Variants in AK5 observed in about 807,000 individuals in gnomAD.
AK5 encodes adenylate kinase 5, also known as adenylate kinase isoenzyme 5.
A neutral mutation model predicts 69.5 loss-of-function variants in AK5; 27 were observed. The ratio of observed to expected loss-of-function variants is 0.39; its 90% confidence interval spans 0.29 to 0.54. The LOEUF is 0.54. Among genes scored for constraint, AK5 ranks in the 20% least tolerant of loss-of-function variants. AK5 has a pLI of 0.71. For synonymous variants in AK5, 260 were observed against 244.4 expected (o/e 1.06, Z -0.60); for missense variants, 531 against 700.4 (o/e 0.76, Z 2.73).
chr1:77,333,569 T>A (rs1365067465), intron 5 of AK5, among the ~76,000 whole-genome samples: 8 of 146,882 alleles, frequency 5.4e-5, no homozygotes, highest in Non-Finnish European at 1.2e-4. Context: ...TAGTTGATTG[T>A]ATCTTATGTG....
intron 10 of AK5, among the ~76,000 whole-genome samples, chr1:77,491,895 G>A (rs994154711): frequency 6.6e-6 from 1 of 152,176 alleles, no homozygotes; most frequent in Non-Finnish European, 1.5e-5. Context: ...ATACTAAGTG[G>A]TGGATCTGGA....
At chr1:77,291,577 T>C (rs1056841674) in intron 2 of AK5, among the ~76,000 whole-genome samples, 3 of 152,104 alleles carry the variant, frequency 2.0e-5, no homozygotes, top group Non-Finnish European at 2.9e-5. Flanking sequence ...GGGACCTCCA[T>C]ATTGAACCAC....
chr1:77,411,095 A>G (rs1000253597), intron 7 of AK5, 24 bp downstream of exon 7: 1 of 1,597,796 alleles, frequency 6.3e-7, no homozygotes, highest in Admixed American at 1.7e-5. Flanking sequence ...TCCTTTAGAC[A>G]ACAGTACGCC....
rs369269312 is a variant in AK5 at position 77,531,328 on chromosome 1, A to C, written c.1429-4519A>C. ...TGGACGGGGACCCCAGCGGGTTGCC[A>C]CTGCAGGCTAGGATCTGGCCCCACC... On this transcript the variant is annotated intron_variant, in intron 12 of 13. Transcript: ENST00000354567. Among the ~76,000 whole-genome samples the C allele has an allele frequency of 6.2e-4, 94 of 152,322 alleles. No individual in the cohort carries two copies. The South Asian group carries it at 0.019, about 31-fold the overall frequency.
intron 5 of AK5, among the ~76,000 whole-genome samples, chr1:77,331,372 C>A (rs1661078675): frequency 6.6e-6 from 1 of 152,048 alleles, no homozygotes; most frequent in Admixed American, 6.5e-5. Flanking sequence ...TGTTCTTTAT[C>A]ACATGAAAGA....
intron 1 of AK5, among the ~76,000 whole-genome samples, chr1:77,284,714 A>G (rs1050715495): frequency 1.3e-5 from 2 of 152,238 alleles, no homozygotes; most frequent in African/African-American, 2.4e-5. Context: ...AGATTATTCA[A>G]GGTCTCAAAG....
At chr1:77,423,785 G>T (rs1651009832) in intron 8 of AK5, among the ~76,000 whole-genome samples, 1 of 151,692 alleles carries the variant, frequency 6.6e-6, no homozygotes, top group African/African-American at 2.4e-5. Context: ...TCCTCACAGT[G>T]AATATCTGGA....
At chr1:77,299,492 C>T (rs917885085) in intron 5 of AK5, among the ~76,000 whole-genome samples, 6 of 152,064 alleles carry the variant, frequency 3.9e-5, no homozygotes, top group Non-Finnish European at 8.8e-5. Flanking sequence ...TTCCCATTAA[C>T]GGTTTTGGAT....
At chr1:77,452,687 G>T (rs1557603797) in intron 8 of AK5, among the ~76,000 whole-genome samples, 1 of 152,204 alleles carries the variant, frequency 6.6e-6, no homozygotes, top group Non-Finnish European at 1.5e-5. Context: ...TCCACATTCA[G>T]TCCTTCATTC....
chr1:77,526,887 G>A lies in AK5; in HGVS notation c.1428+4944G>A, dbSNP rs1177040776. Among the ~76,000 whole-genome samples the A allele has an allele frequency of 4.6e-5, 7 of 151,012 alleles. 1 individual carries two copies. Among genetic ancestry groups the A allele is most frequent in the Admixed American group, 3.3e-4 (5 of 15,170 alleles). ...TAAATAAGGTCTCTCTCTCTCTCTCGGTCAACAACAACAAAATTAAATTAT... is the reference window on the plus strand; with the variant it reads ...TAAATAAGGTCTCTCTCTCTCTCTCAGTCAACAACAACAAAATTAAATTAT... On this transcript the variant is annotated intron_variant, in intron 12 of 13. Coordinates refer to ENST00000354567, the MANE Select transcript of AK5 (RefSeq NM_174858.3).
At chr1:77,482,103 T>C in intron 8 of AK5, among the ~76,000 whole-genome samples, 1 of 152,330 alleles carries the variant, frequency 6.6e-6, no homozygotes, top group Non-Finnish European at 1.5e-5. Context: ...ATAATAAAAG[T>C]ATAATGCTTT....
At chr1:77,364,232 A>G (rs1457319057) in intron 6 of AK5, among the ~76,000 whole-genome samples, 1 of 152,162 alleles carries the variant, frequency 6.6e-6, no homozygotes, top group South Asian at 2.1e-4. Flanking sequence ...TATACTTTTT[A>G]AGTTTTATTT....
chr1:77,507,168 C>A (rs980812469), intron 10 of AK5, among the ~76,000 whole-genome samples: 1 of 152,186 alleles, frequency 6.6e-6, no homozygotes, highest in Non-Finnish European at 1.5e-5. Context: ...TTTTATCTGG[C>A]CACCTGACGG....
Position 77,518,742 on chromosome 1 carries a change from C to A in AK5, c.1311+15C>A. 6.2e-7 allele frequency: 1 copy of A among 1,612,724 alleles called. No individual in the cohort carries two copies. The highest frequency in any genetic ancestry group is 2.2e-5 in the East Asian group (1 of 44,858). ...TGGTGCCCTCAGTAAGCAACATGGC[C>A]TGACCCACATTACTGCCTTTCCTGT... On this transcript the variant is annotated intron_variant, in intron 11 of 13. Coordinates refer to ENST00000354567, the MANE Select transcript of AK5 (RefSeq NM_174858.3).
At chr1:77,449,253 G>A (rs1652985790) in intron 8 of AK5, among the ~76,000 whole-genome samples, 1 of 152,178 alleles carries the variant, frequency 6.6e-6, no homozygotes, top group Non-Finnish European at 1.5e-5. Flanking sequence ...AAGCCACAGG[G>A]GCAGAGCTGC....
intron 2 of AK5, 59 bp from the exon 3 acceptor site, chr1:77,293,734 G>A: frequency 1.6e-5 from 23 of 1,416,776 alleles, no homozygotes; most frequent in Non-Finnish European, 2.2e-5. Flanking sequence ...CTGTTTAAGT[G>A]TGAAGAGTGT....
chr1:77,341,082 G>A (rs1661630968), intron 6 of AK5, among the ~76,000 whole-genome samples: 1 of 152,148 alleles, frequency 6.6e-6, no homozygotes, highest in Non-Finnish European at 1.5e-5. Context: ...TATCAAAATG[G>A]GAGGTAGTCA....
chr1:77,509,659 G>A (rs1285555126), intron 10 of AK5, among the ~76,000 whole-genome samples: 5 of 152,162 alleles, frequency 3.3e-5, no homozygotes, highest in Non-Finnish European at 2.9e-5. Context: ...AAAATATGAA[G>A]ATTAGAAATA....
At chr1:77,360,340 G>C (rs1216588485) in intron 6 of AK5, among the ~76,000 whole-genome samples, 1 of 152,180 alleles carries the variant, frequency 6.6e-6, no homozygotes, top group Non-Finnish European at 1.5e-5. Flanking sequence ...AATGTCAACT[G>C]TCCAAAGTTG....
Sources: gnomAD v4.1 joint callset for allele counts (sites outside exome capture counted in the v4.1 genomes callset) on GRCh38, gnomAD v4.1.1 for gene constraint, MANE v1.5 for transcripts, NCBI Gene and HGNC (gene_info 2026-07-23, HGNC 2026-07-21) for gene names.